Variants in TNFRSF10D observed in about 807,000 individuals in gnomAD.
TNFRSF10D encodes the protein TNF receptor superfamily member 10d.
A neutral mutation model predicts 42.1 loss-of-function variants in TNFRSF10D; 28 were observed. That is an observed-to-expected ratio of 0.66 (90% CI 0.49 to 0.91). The LOEUF (loss-of-function observed/expected upper bound fraction) is 0.91. Ranked by LOEUF, TNFRSF10D falls within the 40% of genes least tolerant of loss-of-function variation. TNFRSF10D has a pLI of 0.00. For missense variants in TNFRSF10D, 503 were observed against 486.1 expected (o/e 1.03, Z -0.33); for synonymous variants, 186 against 189.4 (o/e 0.98, Z 0.15).
Position 23,148,429 on chromosome 8 carries a change from A to G in TNFRSF10D, c.370+9T>C. ...CCACCTCTGGGCAAGGGGTCCACAC[A>G]TTCTGTACCTGATTTACAAACTGTA... is the stretch of plus-strand genomic sequence containing the variant. On this transcript the variant is annotated intron_variant, in intron 3 of 8. Transcript: ENST00000312584. The G allele has an allele frequency of 1.9e-6, 3 of 1,603,154 alleles. No individual in the cohort carries two copies. Among genetic ancestry groups the G allele is most frequent in the Non-Finnish European group, 2.6e-6 (3 of 1,171,768 alleles).
chr8:23,155,827 CT>C (rs1800271594), intron 1 of TNFRSF10D, among the ~76,000 whole-genome samples: 2 of 151,640 alleles, frequency 1.3e-5, no homozygotes, highest in Non-Finnish European at 2.9e-5. Context: ...CTCTCTCTCT[CT>C]CTCTCTCTCG....
chr8:23,138,702 G>A (rs1814387660), intron 7 of TNFRSF10D, among the ~76,000 whole-genome samples: 1 of 152,158 alleles, frequency 6.6e-6, no homozygotes, highest in African/African-American at 2.4e-5. Flanking sequence ...GACTGTAAAT[G>A]ATCTTTGATC....
chr8:23,161,544 T>C (rs1800367726), intron 1 of TNFRSF10D, among the ~76,000 whole-genome samples: 1 of 152,152 alleles, frequency 6.6e-6, no homozygotes. Flanking sequence ...CTGACCACGG[T>C]TCTCCAAGTT....
At chr8:23,143,795 A>G (rs1800067063) in intron 7 of TNFRSF10D, among the ~76,000 whole-genome samples, 1 of 152,240 alleles carries the variant, frequency 6.6e-6, no homozygotes, top group Non-Finnish European at 1.5e-5. Flanking sequence ...TGTATGCTAC[A>G]AACCAAATCA....
rs199892568 is a variant in TNFRSF10D, at chr8:23,154,903, C to T, written c.227G>A (p.Arg76His). 17 of 1,613,748 alleles carry T rather than the reference C, an allele frequency of 1.1e-5. No individual in the cohort carries two copies. The highest frequency in any genetic ancestry group is 1.6e-4 in the Middle Eastern group (1 of 6,062). Residue 76 changes from arginine to histidine, a missense_variant, in exon 2 of 9, where the codon CGC becomes CAC. Physicochemically the swap from Arg to His is conservative, Grantham distance 29. Transcript: ENST00000312584. ...QQTVAPQQQR[R>H]SLKEEECPAG... ...TGGACACTCCTCCTCCTTGAGGCTG[C>T]GCCTCTGTTGCTGTGGGGCCACTGT...
In TNFRSF10D at chr8:23,136,247, C is replaced by T. The variant is rs80325473; in HGVS notation, c.*1623G>A. ...GAGGTTTTTAAATAAAATAATGGAA[C>T]GTGACACAAGGACAAATGTGTCAGC... On this transcript the variant is annotated 3_prime_UTR_variant, in exon 9 of 9. Transcript: ENST00000312584. 0.019 allele frequency: 4,526 copies of T among 241,770 alleles called. 68 individuals carry two copies. Among genetic ancestry groups the T allele is most frequent in the Middle Eastern group, 0.03 (20 of 664 alleles). The allele number at this position is 241,770 out of a possible 1,614,324, so 15.0% of individuals were successfully genotyped here.
intron 2 of TNFRSF10D, 90 bp downstream of exon 2, chr8:23,154,784 T>C: frequency 7.3e-7 from 1 of 1,363,180 alleles, no homozygotes. Context: ...AATGCGTGCA[T>C]ATTTCCAAAC....
At chr8:23,159,653 C>T (rs187014961) in intron 1 of TNFRSF10D, among the ~76,000 whole-genome samples, 3 of 152,184 alleles carry the variant, frequency 2.0e-5, no homozygotes, top group Non-Finnish European at 2.9e-5. Context: ...CACCTGAGCT[C>T]GACTTCGAGA....
intron 4 of TNFRSF10D, among the ~76,000 whole-genome samples, chr8:23,146,614 G>A (rs948274519): frequency 6.2e-3 from 936 of 152,160 alleles, no homozygotes; most frequent in African/African-American, 0.019. Flanking sequence ...TACAAGCCAG[G>A]CTGGATTCAA....
At chr8:23,153,591 CAT>C (rs1430973972) in intron 2 of TNFRSF10D, among the ~76,000 whole-genome samples, 1 of 152,106 alleles carries the variant, frequency 6.6e-6, no homozygotes, top group Non-Finnish European at 1.5e-5. Flanking sequence ...AAAAAGAAGA[CAT>C]AGAAGTGGCC....
At chr8:23,155,733 C>A (rs577030210) in intron 1 of TNFRSF10D, among the ~76,000 whole-genome samples, 12 of 149,676 alleles carry the variant, frequency 8.0e-5, no homozygotes, top group Admixed American at 2.6e-4. Context: ...AACAAAAAAA[C>A]CACACATATG....
At chr8:23,153,860 C>G (rs1236176770) in intron 2 of TNFRSF10D, among the ~76,000 whole-genome samples, 1 of 152,086 alleles carries the variant, frequency 6.6e-6, no homozygotes, top group African/African-American at 2.4e-5. Context: ...TCCAGCAATC[C>G]CAGTATTGTG....
At chr8:23,160,804 T>A (rs571997178) in intron 1 of TNFRSF10D, among the ~76,000 whole-genome samples, 1 of 152,260 alleles carries the variant, frequency 6.6e-6, no homozygotes, top group Non-Finnish European at 1.5e-5. Context: ...TGCAGCCACC[T>A]GGATGGAGAC....
chr8:23,143,393 C>G (rs1414394893), intron 7 of TNFRSF10D, among the ~76,000 whole-genome samples: 2 of 152,020 alleles, frequency 1.3e-5, no homozygotes, highest in East Asian at 3.9e-4. Flanking sequence ...CTTTGGGAGG[C>G]CAAGGTGAGA....
chr8:23,160,051 A>C (rs1800343048), intron 1 of TNFRSF10D, among the ~76,000 whole-genome samples: 1 of 151,814 alleles, frequency 6.6e-6, no homozygotes, highest in Non-Finnish European at 1.5e-5. Flanking sequence ...TTGCACCAAC[A>C]CGGCCTCTCT....
At position 23,137,791 on chromosome 8, in the gene TNFRSF10D, G is replaced by A. The variant is rs1438098291; in HGVS notation, c.*79C>T. ...TTTGTTGGGGCATGGGTCAAGTACT[G>A]GACTGTTTCTTCCAGGCTGCTTCCC... On this transcript the variant is annotated 3_prime_UTR_variant, in exon 9 of 9. Coordinates refer to ENST00000312584, the MANE Select transcript of TNFRSF10D (RefSeq NM_003840.5). The A allele has an allele frequency of 5.2e-6, 8 of 1,547,484 alleles. No homozygotes were observed. Among genetic ancestry groups the A allele is most frequent in the Non-Finnish European group, 7.0e-6 (8 of 1,148,936 alleles).
rs1328997371 is a variant in TNFRSF10D, at chr8:23,163,530, G to A, written c.150+256C>T. Among the ~76,000 whole-genome samples, 41 of 152,192 alleles carry A rather than the reference G, an allele frequency of 2.7e-4. 1 individual carries two copies. Among genetic ancestry groups the A allele is most frequent in the Non-Finnish European group, 8.8e-5 (6 of 68,030 alleles). On this transcript the variant is annotated intron_variant, in intron 1 of 8. Transcript: ENST00000312584. ...CTCCGCTGATTCTGGAACTTCCTCTGGGGCAGCTCAGTGCGGTCCTCGCCG... is the reference window on the plus strand; with the variant it reads ...CTCCGCTGATTCTGGAACTTCCTCTAGGGCAGCTCAGTGCGGTCCTCGCCG...
At chr8:23,153,390 A>C (rs1277832113) in intron 2 of TNFRSF10D, among the ~76,000 whole-genome samples, 1 of 152,210 alleles carries the variant, frequency 6.6e-6, no homozygotes, top group African/African-American at 2.4e-5. Context: ...CAGACTAGAA[A>C]GGTTTTGCAC....
chr8:23,145,338 C>T (rs927752456), intron 5 of TNFRSF10D, among the ~76,000 whole-genome samples: 2 of 152,258 alleles, frequency 1.3e-5, no homozygotes, highest in South Asian at 2.1e-4. Flanking sequence ...ATAAATCCCA[C>T]GACCACTTCT....
Sources: gnomAD v4.1 joint callset for allele counts (sites outside exome capture counted in the v4.1 genomes callset) on GRCh38, gnomAD v4.1.1 for gene constraint, MANE v1.5 for transcripts, NCBI Gene and HGNC (gene_info 2026-07-23, HGNC 2026-07-21) for gene names.